The following ALG6 variants were observed in gnomAD, a reference collection of about 807,000 sequenced individuals.
ALG6 encodes dolichyl pyrophosphate Man9GlcNAc2 alpha-1,3-glucosyltransferase.
In ALG6, 46 loss-of-function variants were observed where a neutral mutation model predicts 66.6. The observed-to-expected ratio is 0.69, with a 90% CI of 0.55 to 0.88. The LOEUF (loss-of-function observed/expected upper bound fraction) is 0.88, where lower values mean the gene tolerates loss of function less well. Among genes scored for constraint, ALG6 ranks in the 40% least tolerant of loss-of-function variants. The probability of loss-of-function intolerance (pLI) is 0.00; values close to 1 mark genes in which losing one functional copy is unlikely to be tolerated. For missense variants in ALG6, 505 were observed against 586.8 expected (o/e 0.86, Z 1.44); for synonymous variants, 185 against 203.7 (o/e 0.91, Z 0.78).
In ALG6 at chr1:63,404,317, C is replaced by A. The variant is rs1420019869; in HGVS notation, c.258-136C>A. 5.2e-6 allele frequency: 4 copies of A among 764,036 alleles called. No individual in the cohort carries two copies. The East Asian group carries it at 1.0e-4, about 20-fold the overall frequency. The allele number at this position is 764,036 out of a possible 1,614,324, so 47.3% of individuals were successfully genotyped here. ...ACATGATTAAATAAAAAGAGTAAAA[C>A]TTAAGCATTGACTCTGTTGCTTTAT... is the stretch of plus-strand genomic sequence containing the variant. On this transcript the variant is annotated intron_variant, in intron 4 of 14. Transcript: ENST00000263440.
At chr1:63,422,322 AATAT>A (rs1192872723) in intron 12 of ALG6, among the ~76,000 whole-genome samples, 1 of 104,636 alleles carries the variant, frequency 9.6e-6, no homozygotes, top group Non-Finnish European at 1.7e-5. Flanking sequence ...TCTATATATG[AATAT>A]ATATCTATAG....
At chr1:63,390,978 T>G (rs1648655081) in intron 2 of ALG6, among the ~76,000 whole-genome samples, 1 of 152,218 alleles carries the variant, frequency 6.6e-6, no homozygotes, top group East Asian at 1.9e-4. Flanking sequence ...CAACTGATTT[T>G]GATTCTTATG....
chr1:63,375,856 T>C (rs1250027241), intron 2 of ALG6, among the ~76,000 whole-genome samples: 1 of 152,188 alleles, frequency 6.6e-6, no homozygotes, highest in Admixed American at 6.5e-5. Context: ...TAGAAATGTT[T>C]CCATTTCACC....
chr1:63,423,181 G>A (rs562359811), intron 12 of ALG6, among the ~76,000 whole-genome samples: 393 of 151,690 alleles, frequency 2.6e-3, no homozygotes, highest in Middle Eastern at 6.9e-3. Flanking sequence ...ACACCACCAC[G>A]CCCAGCTAAT....
rs542831754 is a variant in ALG6 at position 63,379,967 on chromosome 1, G to T, written c.82+8908G>T. On this transcript the variant is annotated intron_variant, in intron 2 of 14. Transcript: ENST00000263440. Reference sequence around the variant, plus strand: ...ATAGACATGATGGTTGAAGCCAGGGGTTGAGGGGCAAAAGCAACAGGTTTA... The same window carrying T: ...ATAGACATGATGGTTGAAGCCAGGGTTTGAGGGGCAAAAGCAACAGGTTTA... Among the ~76,000 whole-genome samples the T allele has an allele frequency of 5.3e-5, 8 of 151,810 alleles. No homozygotes were observed. In the South Asian group the frequency reaches 6.3e-4, roughly 12 times the overall value.
chr1:63,432,368 T>A (rs924437644), intron 14 of ALG6, among the ~76,000 whole-genome samples: 1 of 152,240 alleles, frequency 6.6e-6, no homozygotes, highest in Non-Finnish European at 1.5e-5. Context: ...GGTGTATAAT[T>A]CTTTTTATCT....
chr1:63,409,520 C>T (rs1644506312), intron 7 of ALG6, among the ~76,000 whole-genome samples: 1 of 152,012 alleles, frequency 6.6e-6, no homozygotes, highest in South Asian at 2.1e-4. Context: ...GAGTTTATCC[C>T]CAACACTTCT....
intron 5 of ALG6, among the ~76,000 whole-genome samples, chr1:63,405,587 G>A (rs1644485972): frequency 6.6e-6 from 1 of 151,974 alleles, no homozygotes; most frequent in African/African-American, 2.4e-5. Context: ...GAGGACTCTC[G>A]CCACTCTTTT....
chr1:63,431,762 A>G (rs1399492062), intron 14 of ALG6, among the ~76,000 whole-genome samples: 1 of 152,230 alleles, frequency 6.6e-6, no homozygotes, highest in Non-Finnish European at 1.5e-5. Context: ...AAGTATAACG[A>G]ATGATCCTAA....
chr1:63,414,017 C>A (rs1342635435), intron 9 of ALG6, 44 bp from the exon 10 acceptor site: 1 of 1,449,808 alleles, frequency 6.9e-7, no homozygotes, highest in Non-Finnish European at 9.7e-7. Flanking sequence ...TTTAATATTT[C>A]TTTCAATTAT....
At chr1:63,375,994 A>C (rs1051937966) in intron 2 of ALG6, among the ~76,000 whole-genome samples, 21 of 151,462 alleles carry the variant, frequency 1.4e-4, no homozygotes, top group African/African-American at 3.4e-4. Context: ...ATTTTTTAAA[A>C]CAATCAGTCT....
Position 63,427,089 on chromosome 1 carries a change from C to T in ALG6, c.1059-1644C>T, listed in dbSNP as rs575203382. On this transcript the variant is annotated intron_variant, in intron 12 of 14. Transcript: ENST00000263440. ...GATCTCGGCTCACTGCAACCTCCGA[C>T]TCCCTGGTTCAAGCAATTCTCCTGC... 1.5e-4 allele frequency among the ~76,000 whole-genome samples: 23 copies of T among 152,144 alleles called. No homozygotes were observed. In the South Asian group the frequency reaches 4.8e-3, roughly 32 times the overall value.
At chr1:63,383,712 G>C (rs1406020493) in intron 2 of ALG6, among the ~76,000 whole-genome samples, 1 of 151,902 alleles carries the variant, frequency 6.6e-6, no homozygotes, top group Non-Finnish European at 1.5e-5. Flanking sequence ...TTTAAAAATG[G>C]TAAAATAAAT....
rs191183114 is a variant in ALG6 at position 63,438,445 on chromosome 1, C to T, written c.*1425C>T. 3.3e-5 allele frequency: 5 copies of T among 152,154 alleles called. No individual in the cohort carries two copies. In the East Asian group the frequency reaches 9.6e-4, roughly 29 times the overall value. The allele number at this position is 152,154 out of a possible 1,614,324, so 9.4% of individuals were successfully genotyped here. On this transcript the variant is annotated 3_prime_UTR_variant, in exon 15 of 15. Coordinates refer to ENST00000263440, the MANE Select transcript of ALG6 (RefSeq NM_013339.4). The stretch of plus-strand genomic sequence containing the variant: ...TTTGTAATAGTACACTTGTGTTTAA[C>T]ATAGAATGTTGACTTAGATAAATGA...
intron 14 of ALG6, among the ~76,000 whole-genome samples, chr1:63,431,582 A>G (rs1355332410): frequency 2.0e-5 from 3 of 152,144 alleles, no homozygotes; most frequent in African/African-American, 7.2e-5. Context: ...ACACCCGGCT[A>G]ATTTTTTTAG....
Position 63,411,278 on chromosome 1 carries a change from A to T in ALG6, c.627A>T (p.Pro209=). 1 of 1,613,742 alleles carries T rather than the reference A, an allele frequency of 6.2e-7. No homozygotes were observed. The highest frequency in any genetic ancestry group is 8.5e-7 in the Non-Finnish European group (1 of 1,179,846). Residue 209 remains proline, a synonymous_variant, in exon 8 of 15, where the codon CCA becomes CCT. Coordinates refer to ENST00000263440, the MANE Select transcript of ALG6 (RefSeq NM_013339.4). ...AGATGGAACTTTACCACGCCTTGCC[A>T]TTTTTTTGCTTTTTACTTGGCAAGT... is the stretch of plus-strand genomic sequence containing the variant. The part of the protein sequence containing the change: ...YKQMELYHAL[P]FFCFLLGKCF...
intron 10 of ALG6, among the ~76,000 whole-genome samples, chr1:63,414,478 G>A (rs376799534): frequency 1.2e-3 from 178 of 152,210 alleles, no homozygotes; most frequent in African/African-American, 4.2e-3. Context: ...TCGAACTCCT[G>A]ACCTCAGGTG....
chr1:63,379,070 G>C (rs982104641), intron 2 of ALG6, among the ~76,000 whole-genome samples: 4 of 151,922 alleles, frequency 2.6e-5, no homozygotes, highest in Non-Finnish European at 5.9e-5. Context: ...TCTCGTATCT[G>C]CATTCTGATT....
rs1644467770 is a variant in ALG6, at chr1:63,402,136, T to C, written c.168-118T>C. The C allele has an allele frequency of 9.5e-6, 7 of 739,736 alleles. No individual in the cohort carries two copies. The East Asian group carries it at 1.9e-4, about 20-fold the overall frequency. 45.8% of individuals were successfully genotyped at this position (739,736 alleles called of 1,614,324 possible). On this transcript the variant is annotated intron_variant, in intron 3 of 14. Transcript: ENST00000263440. Reference sequence around the variant, plus strand: ...TGACATGGCTTAATTATTAATAGCTTAATAATTAGTAAATTACATTATTAA... The same window carrying C: ...TGACATGGCTTAATTATTAATAGCTCAATAATTAGTAAATTACATTATTAA...
Sources: allele counts gnomAD v4.1 joint callset (sites outside exome capture counted in the v4.1 genomes callset), GRCh38; gene constraint gnomAD v4.1.1; transcripts MANE v1.5; gene names NCBI Gene and HGNC (gene_info 2026-07-23, HGNC 2026-07-21).